Variants in ALLC observed in about 807,000 individuals in gnomAD.
ALLC encodes the protein probable inactive allantoicase.
ALLC carries 40 observed loss-of-function variants against 45.0 expected under a neutral mutation model. The ratio of observed to expected loss-of-function variants is 0.89; its 90% CI spans 0.69 to 1.16. The LOEUF is 1.16. Among genes scored for constraint, ALLC ranks in the 50% most tolerant of loss-of-function variants. The pLI, the probability that ALLC is intolerant of heterozygous loss-of-function variation, is 0.00. For synonymous variants in ALLC, 176 were observed against 178.1 expected (o/e 0.99, Z 0.09); for missense variants, 488 against 493.1 (o/e 0.99, Z 0.10).
chr2:3,679,549 G>C (rs1432865966), intron 4 of ALLC, among the ~76,000 whole-genome samples: 2 of 152,220 alleles, frequency 1.3e-5, no homozygotes, highest in African/African-American at 2.4e-5. Context: ...ATTCTCTACT[G>C]TAAGAGGTAA....
chr2:3,697,854 G>T (rs1667723687), intron 10 of ALLC, among the ~76,000 whole-genome samples: 1 of 151,962 alleles, frequency 6.6e-6, no homozygotes, highest in South Asian at 2.1e-4. Flanking sequence ...TAGTAGAGAT[G>T]GGTTTTTGCC....
intron 7 of ALLC, among the ~76,000 whole-genome samples, chr2:3,691,730 C>T (rs1407636627): frequency 6.6e-6 from 1 of 152,194 alleles, no homozygotes; most frequent in African/African-American, 2.4e-5. Context: ...GCTCAACTCC[C>T]TCCTCAACAC....
chr2:3,654,130 G>A (rs1666392473), upstream of ALLC, among the ~76,000 whole-genome samples: 2 of 152,232 alleles, frequency 1.3e-5, no homozygotes, highest in African/African-American at 4.8e-5. Flanking sequence ...AGTTATTGCT[G>A]GCTGTTGGCA....
chr2:3,701,518 C>T lies in ALLC; in HGVS notation c.857C>T (p.Ala286Val). The T allele has an allele frequency of 6.3e-7, 1 of 1,592,652 alleles. No individual in the cohort carries two copies. The highest frequency in any genetic ancestry group is 8.6e-7 in the Non-Finnish European group (1 of 1,168,454). Residue 286 changes from alanine (A) to valine (V), a missense_variant, in exon 11 of 12, where the codon GCT (alanine) becomes GTT (valine). Ala to Val is a moderately conservative substitution (Grantham distance 64, BLOSUM62 0). Coordinates refer to ENST00000252505, the MANE Select transcript of ALLC (RefSeq NM_018436.4). ...EIDTKYFEGN[A>V]PDSCKVDGCI... ...CTGTGTTTTGCTCCAACAGGCAATGCTCCTGACAGCTGTAAAGTGGATGGG... is the reference window on the plus strand; with the variant it reads ...CTGTGTTTTGCTCCAACAGGCAATGTTCCTGACAGCTGTAAAGTGGATGGG...
At chr2:3,658,072 G>A (rs1572500343), upstream of ALLC, 1 of 152,642 alleles carries the variant, frequency 6.6e-6, no homozygotes, top group East Asian at 1.9e-4. Flanking sequence ...GGGTCTTGCA[G>A]AGGCCTGCTT....
chr2:3,670,559 T>C (rs897474254), intron 1 of ALLC, among the ~76,000 whole-genome samples: 1 of 152,190 alleles, frequency 6.6e-6, no homozygotes, highest in African/African-American at 2.4e-5. Context: ...TCTCCCTCGC[T>C]GGCCCCGTCT....
chr2:3,657,888 AATG>A (rs1408653458), upstream of ALLC, among the ~76,000 whole-genome samples: 1 of 152,212 alleles, frequency 6.6e-6, no homozygotes, highest in Non-Finnish European at 1.5e-5. Flanking sequence ...TTTCTGAGTT[AATG>A]ATGATTAGTG....
intron 2 of ALLC, among the ~76,000 whole-genome samples, chr2:3,672,728 C>T (rs1666921208): frequency 6.6e-6 from 1 of 151,046 alleles, no homozygotes; most frequent in African/African-American, 2.4e-5. Flanking sequence ...GATCGGAAGT[C>T]CTCTGGCTCT....
chr2:3,678,376 T>C (rs1667080516), intron 3 of ALLC, 92 bp from the exon 4 acceptor site: 4 of 1,112,418 alleles, frequency 3.6e-6, no homozygotes, highest in Non-Finnish European at 5.4e-6. Flanking sequence ...GTTTGCACCG[T>C]TCCTCTGGCA....
At chr2:3,654,636 T>G (rs550128615), upstream of ALLC, among the ~76,000 whole-genome samples, 17 of 152,368 alleles carry the variant, frequency 1.1e-4, no homozygotes, top group African/African-American at 3.6e-4. Flanking sequence ...AGCCAGACAC[T>G]GCCAGAAGCT....
Position 3,701,573 on chromosome 2 carries a change from C to T in ALLC, c.912C>T (p.Ala304=), listed in dbSNP as rs372186081. The change falls in exon 11 of 12, where the codon GCC becomes GCT. Residue 304 remains alanine (A), a synonymous_variant. Transcript: ENST00000252505. ...GCILTTQEEE[A]VIRQKWILPA... Reference sequence around the variant, plus strand: ...TCCTGACAACTCAGGAAGAAGAAGCCGTGATCAGGCAAAAGTGGATTCTCC... The same window carrying T: ...TCCTGACAACTCAGGAAGAAGAAGCTGTGATCAGGCAAAAGTGGATTCTCC... The T allele has an allele frequency of 5.0e-6, 8 of 1,600,508 alleles. No homozygotes were observed. The highest frequency in any genetic ancestry group is 5.1e-6 in the Non-Finnish European group (6 of 1,172,028).
At chr2:3,691,578 G>A (rs1427163979) in intron 7 of ALLC, among the ~76,000 whole-genome samples, 1 of 152,008 alleles carries the variant, frequency 6.6e-6, no homozygotes. Context: ...TTGACCTTTA[G>A]GATTTTTTAT....
chr2:3,656,361 C>G (rs1305383942), upstream of ALLC, among the ~76,000 whole-genome samples: 1 of 152,222 alleles, frequency 6.6e-6, no homozygotes, highest in Non-Finnish European at 1.5e-5. Context: ...TCTGCCAGCT[C>G]TTGTTCTCCT....
upstream of ALLC, among the ~76,000 whole-genome samples, chr2:3,656,481 A>G (rs1666442084): frequency 6.6e-6 from 1 of 152,226 alleles, no homozygotes; most frequent in African/African-American, 2.4e-5. Flanking sequence ...GGGCACTAGA[A>G]ACTTACCTCA....
At chr2:3,683,395 A>G (rs1342764076) in intron 7 of ALLC, among the ~76,000 whole-genome samples, 1 of 152,216 alleles carries the variant, frequency 6.6e-6, no homozygotes, top group Non-Finnish European at 1.5e-5. Context: ...TTTATTTTTT[A>G]ATAGCTTTAT....
At chr2:3,683,596 T>A (rs1179629683) in intron 7 of ALLC, among the ~76,000 whole-genome samples, 1 of 152,218 alleles carries the variant, frequency 6.6e-6, no homozygotes, top group Admixed American at 6.5e-5. Context: ...GCTTTTTGTC[T>A]TGATAGTTTT....
intron 3 of ALLC, among the ~76,000 whole-genome samples, chr2:3,675,880 G>T (rs1667012461): frequency 6.6e-6 from 1 of 152,196 alleles, no homozygotes; most frequent in South Asian, 2.1e-4. Context: ...TGAAGTTCTG[G>T]GGGCTGGAAG....
At chr2:3,692,517 G>T (rs1410145126) in intron 7 of ALLC, among the ~76,000 whole-genome samples, 1 of 152,160 alleles carries the variant, frequency 6.6e-6, no homozygotes, top group Non-Finnish European at 1.5e-5. Context: ...ATTTCCTGTT[G>T]ATTTTATTTC....
intron 1 of ALLC, 68 bp from the exon 2 acceptor site, chr2:3,671,006 AAGTCTCAAATCTTAGCGTCAGG>A: frequency 1.4e-6 from 1 of 718,188 alleles, no homozygotes; most frequent in Non-Finnish European, 2.3e-6. Context: ...TGACTTTTGA[AAGTCTCAAATCTTAGCGTCAGG>A]AGCCTAGACG....
Sources: allele counts gnomAD v4.1 joint callset (sites outside exome capture counted in the v4.1 genomes callset), GRCh38; gene constraint gnomAD v4.1.1; transcripts MANE v1.5; gene names NCBI Gene and HGNC (gene_info 2026-07-23, HGNC 2026-07-21).